NRG2: variants seen among roughly 807,000 people sequenced by gnomAD.
The protein encoded by NRG2 is pro-neuregulin-2, membrane-bound isoform.
In NRG2, 27 loss-of-function variants were observed where a neutral mutation model predicts 73.9. That is an observed-to-expected ratio of 0.37 (90% CI 0.27 to 0.50). NRG2 has a LOEUF of 0.50. Among genes scored for constraint, NRG2 ranks in the 20% least tolerant of loss-of-function variants. The pLI, the probability that NRG2 is intolerant of heterozygous loss-of-function variation, is 0.96. For missense variants in NRG2, 1,126 were observed against 1,210.1 expected, an observed-to-expected ratio of 0.93 and a Z score of 1.03; for synonymous variants, 532 against 541.0, an observed-to-expected ratio of 0.98 and a Z score of 0.23.
At chr5:139,994,951 G>A (rs1336795937) in intron 1 of NRG2, among the ~76,000 whole-genome samples, 2 of 152,198 alleles carry the variant, frequency 1.3e-5, no homozygotes, top group African/African-American at 4.8e-5. Context: ...GTTGTGAAGG[G>A]AGGTTGGGTC....
chr5:139,897,587 G>A (rs1764625357), intron 1 of NRG2, among the ~76,000 whole-genome samples: 1 of 152,182 alleles, frequency 6.6e-6, no homozygotes, highest in Admixed American at 6.5e-5. Context: ...GTTTCCTGGT[G>A]TCTGTCACTG....
In NRG2 at chr5:139,869,961, C is replaced by T. The variant is rs1005906120; in HGVS notation, c.1112+1760G>A. Among the ~76,000 whole-genome samples, 3 of 152,328 alleles carry T rather than the reference C, an allele frequency of 2.0e-5. No homozygotes were observed. The highest frequency in any genetic ancestry group is 3.4e-3 in the Middle Eastern group (1 of 294). On this transcript the variant is annotated intron_variant, in intron 4 of 9. Transcript: ENST00000361474. This position sits in a 1 kb window ranked among gnomAD's most constrained non-coding sequence, Gnocchi z 4.5. Reference sequence around the variant, plus strand: ...CTGAGGGGCCAGAACCTTCCCTGCCCGGACGAGGGCTGACTTCAGTGACAG... The same window carrying T: ...CTGAGGGGCCAGAACCTTCCCTGCCTGGACGAGGGCTGACTTCAGTGACAG...
chr5:139,861,949 C>G (rs964193758), intron 5 of NRG2, among the ~76,000 whole-genome samples: 8 of 152,150 alleles, frequency 5.3e-5, no homozygotes, highest in African/African-American at 1.4e-4. Context: ...CACTTTCCGA[C>G]GAGGTGGTTG....
At chr5:139,997,124 C>A (rs1487414559) in intron 1 of NRG2, among the ~76,000 whole-genome samples, 1 of 151,942 alleles carries the variant, frequency 6.6e-6, no homozygotes, top group Non-Finnish European at 1.5e-5. Flanking sequence ...CCTGGGCAAC[C>A]AGAATGAGAT....
At chr5:140,032,674 A>C (rs895573452) in intron 1 of NRG2, among the ~76,000 whole-genome samples, 1 of 152,242 alleles carries the variant, frequency 6.6e-6, no homozygotes, top group Non-Finnish European at 1.5e-5. Context: ...CAGGTAAACG[A>C]GATAAGATAC....
At chr5:140,005,837 G>C (rs1043426329) in intron 1 of NRG2, among the ~76,000 whole-genome samples, 1 of 152,142 alleles carries the variant, frequency 6.6e-6, no homozygotes, top group African/African-American at 2.4e-5. Flanking sequence ...TGCATAGGAG[G>C]GGGTAGGGTT....
chr5:139,948,924 G>A (rs997629153), intron 1 of NRG2, among the ~76,000 whole-genome samples: 26 of 151,824 alleles, frequency 1.7e-4, no homozygotes, highest in Admixed American at 9.8e-4. Flanking sequence ...AGATTCCCTC[G>A]GCATAGGCAA....
intron 1 of NRG2, among the ~76,000 whole-genome samples, chr5:139,998,492 T>C (rs1758197135): frequency 6.6e-6 from 1 of 152,112 alleles, no homozygotes; most frequent in Non-Finnish European, 1.5e-5. Flanking sequence ...CTGCTCCAGT[T>C]CCAAACTGGG....
intron 1 of NRG2, among the ~76,000 whole-genome samples, chr5:139,919,670 TCTTGTATATA>T (rs1258469507): frequency 6.6e-6 from 1 of 152,204 alleles, no homozygotes; most frequent in Non-Finnish European, 1.5e-5. Context: ...GAGATGGGTT[TCTTGTATATA>T]CTTGGCATGC....
intron 1 of NRG2, among the ~76,000 whole-genome samples, chr5:139,936,574 A>G (rs1424303098): frequency 5.3e-5 from 8 of 152,180 alleles, no homozygotes; most frequent in Non-Finnish European, 1.0e-4. Flanking sequence ...TACTAAATAT[A>G]TTTAAGAAAG....
In NRG2 at chr5:140,014,539, G is replaced by A. The variant is rs572049413; in HGVS notation, c.700+27831C>T. Among the ~76,000 whole-genome samples the A allele has an allele frequency of 7.9e-5, 12 of 152,076 alleles. No individual in the cohort carries two copies. In the South Asian group the frequency reaches 1.2e-3, roughly 16 times the overall value. On this transcript the variant is annotated intron_variant, in intron 1 of 9. Coordinates refer to ENST00000361474, the MANE Select transcript of NRG2 (RefSeq NM_004883.3). ...GGCATGAGCCACAGTGCCCCGCCTG[G>A]ATTCATTTTTTTACTCCTCCTTTTC...
chr5:139,925,349 A>T (rs1259490740), intron 1 of NRG2, among the ~76,000 whole-genome samples: 1 of 152,110 alleles, frequency 6.6e-6, no homozygotes, highest in Non-Finnish European at 1.5e-5. Context: ...TTTACTGGAC[A>T]CTCATGAGGC....
At chr5:140,019,294 G>A (rs1760033966) in intron 1 of NRG2, among the ~76,000 whole-genome samples, 1 of 152,200 alleles carries the variant, frequency 6.6e-6, no homozygotes, top group Non-Finnish European at 1.5e-5. Flanking sequence ...TTCCAACAAG[G>A]GGGCCTTGGT....
intron 1 of NRG2, among the ~76,000 whole-genome samples, chr5:139,957,052 G>T (rs1754677015): frequency 2.0e-5 from 3 of 152,194 alleles, no homozygotes; most frequent in African/African-American, 7.2e-5. Flanking sequence ...GTGAGAAAAT[G>T]ATATGCTGGC....
chr5:139,986,157 C>T (rs988722717), intron 1 of NRG2, among the ~76,000 whole-genome samples: 16 of 152,222 alleles, frequency 1.1e-4, no homozygotes, highest in Non-Finnish European at 2.1e-4. Flanking sequence ...GGAGAAACTC[C>T]ATCTTCATAC....
At position 139,894,167 on chromosome 5, in the gene NRG2, G is replaced by T. The variant is rs907128489; in HGVS notation, c.701-6656C>A. ...CAAGACAGACGCTCAGGACATGGCT[G>T]GGCAACCCAGCCAGGGAGGACCTGG... On this transcript the variant is annotated intron_variant, in intron 1 of 9. Transcript: ENST00000361474. This position sits in a 1 kb window ranked among gnomAD's most constrained non-coding sequence, Gnocchi z 5.0. Among the ~76,000 whole-genome samples the T allele has an allele frequency of 6.6e-6, 1 of 152,208 alleles. No individual in the cohort carries two copies. Among genetic ancestry groups the T allele is most frequent in the African/African-American group, 2.4e-5 (1 of 41,464 alleles).
At position 139,870,159 on chromosome 5, in the gene NRG2, C is replaced by T. The variant is rs564443609; in HGVS notation, c.1112+1562G>A. Among the ~76,000 whole-genome samples the T allele has an allele frequency of 6.3e-4, 96 of 152,252 alleles. 1 individual carries two copies. Among genetic ancestry groups the T allele is most frequent in the Admixed American group, 3.4e-3 (52 of 15,302 alleles). ...CTGATGAATTTCTAGTAGATCTGTT[C>T]CAAAGAACTCTGAGCAAGTTTCACA... On this transcript the variant is annotated intron_variant, in intron 4 of 9. Coordinates refer to ENST00000361474, the MANE Select transcript of NRG2 (RefSeq NM_004883.3). This position sits in a 1 kb window ranked among gnomAD's most constrained non-coding sequence, Gnocchi z 4.4.
chr5:139,885,898 A>G (rs1160302732), intron 2 of NRG2, among the ~76,000 whole-genome samples: 1 of 152,052 alleles, frequency 6.6e-6, no homozygotes, highest in Non-Finnish European at 1.5e-5. Flanking sequence ...AAGAAAGGAT[A>G]GGAGGGAGAC....
chr5:140,035,535 A>G (rs747108707), intron 1 of NRG2, among the ~76,000 whole-genome samples: 10 of 152,246 alleles, frequency 6.6e-5, no homozygotes, highest in Non-Finnish European at 1.5e-4. Context: ...GATTGAATTA[A>G]AAGAAAGTTA....
Sources: gnomAD v4.1 joint callset for allele counts (sites outside exome capture counted in the v4.1 genomes callset) on GRCh38, gnomAD v4.1.1 for gene constraint, Gnocchi (gnomAD v3.1) non-coding constraint, MANE v1.5 for transcripts, NCBI Gene and HGNC (gene_info 2026-07-23, HGNC 2026-07-21) for gene names.